P2RX5: variants seen among roughly 807,000 people sequenced by gnomAD.
P2RX5 encodes P2X purinoceptor 5.
P2RX5 carries 46 observed loss-of-function variants against 54.1 expected under a neutral mutation model. That is an observed-to-expected ratio of 0.85 (90% CI 0.67 to 1.09). The LOEUF (loss-of-function observed/expected upper bound fraction) is 1.09, where lower values mean the gene tolerates loss of function less well. Ranked by LOEUF, P2RX5 falls within the 50% of genes least tolerant of loss-of-function variation. The pLI is 0.00. For synonymous variants in P2RX5, 226 were observed against 226.4 expected, an observed-to-expected ratio of 1.00 and a Z score of 0.02; for missense variants, 566 against 549.8, an observed-to-expected ratio of 1.03 and a Z score of -0.29.
the P2RX5 span, chr17:3,714,943 C>T: frequency 2.5e-6 from 4 of 1,585,370 alleles, no homozygotes; most frequent in African/African-American, 1.3e-5. Flanking sequence ...AAAAGCCACA[C>T]TGAAACAAAG....
chr17:3,716,021 G>A, the P2RX5 span, among the ~76,000 whole-genome samples: 4 of 152,034 alleles, frequency 2.6e-5, no homozygotes, highest in Non-Finnish European at 5.9e-5. Flanking sequence ...GCCAGGCATG[G>A]TGGCACATTC....
At chr17:3,678,964 C>A (rs2142995693) in intron 11 of P2RX5, among the ~76,000 whole-genome samples, 1 of 152,314 alleles carries the variant, frequency 6.6e-6, no homozygotes, top group South Asian at 2.1e-4. Context: ...GAAGCCAGCG[C>A]CCCCAGGAAT....
At chr17:3,679,458 A>T in intron 11 of P2RX5, 132 bp downstream of exon 11, 1 of 777,296 alleles carries the variant, frequency 1.3e-6, no homozygotes, top group Non-Finnish European at 2.1e-6. Context: ...CAGTTCCTAG[A>T]TGTCCTGCCT....
At chr17:3,701,917 G>A in the P2RX5 span, among the ~76,000 whole-genome samples, 548 of 151,798 alleles carry the variant, frequency 3.6e-3, 4 homozygotes, top group African/African-American at 0.012. Flanking sequence ...CACCATGCCC[G>A]GCGGTGAGTA....
chr17:3,676,190 G>C (rs948921475), intron 11 of P2RX5: 1 of 985,448 alleles, frequency 1.0e-6, no homozygotes, highest in Non-Finnish European at 1.2e-6. Flanking sequence ...TTGGGTTTAC[G>C]GGGAGACAAC....
At chr17:3,718,426 G>A in the P2RX5 span, 6 of 152,248 alleles carry the variant, frequency 3.9e-5, no homozygotes, top group African/African-American at 9.6e-5. Flanking sequence ...TCCCCCACAC[G>A]GCAGAGTACA....
At chr17:3,674,338 C>CAA (rs11419219) in intron 11 of P2RX5, among the ~76,000 whole-genome samples, 82 of 146,218 alleles carry the variant, frequency 5.6e-4, no homozygotes, top group East Asian at 2.0e-3. Context: ...AAAAAAAATA[C>CAA]AAAAAAAAAA....
intron 5 of P2RX5, 104 bp downstream of exon 5, chr17:3,690,323 C>A: frequency 8.8e-7 from 1 of 1,140,792 alleles, no homozygotes; most frequent in Non-Finnish European, 1.3e-6. Flanking sequence ...CTGACTCCTC[C>A]CTCAGCGTGA....
the P2RX5 span, among the ~76,000 whole-genome samples, chr17:3,719,249 A>AG: frequency 4.2e-4 from 62 of 146,276 alleles, 1 homozygote; most frequent in Middle Eastern, 3.4e-3. Flanking sequence ...AAAAAAAAAA[A>AG]AAAAAAAGAA....
At chr17:3,721,580 CT>C in the P2RX5 span, 1 of 151,634 alleles carries the variant, frequency 6.6e-6, no homozygotes. Flanking sequence ...ACTCACAATT[CT>C]TTTTTTTTAA....
intron 11 of P2RX5, among the ~76,000 whole-genome samples, chr17:3,674,596 G>A (rs539734696): frequency 1.4e-4 from 21 of 152,250 alleles, no homozygotes; most frequent in Admixed American, 3.9e-4. Context: ...AGTCTAAAGG[G>A]GCAACCTTGC....
the P2RX5 span, chr17:3,720,252 C>A: frequency 2.4e-6 from 2 of 844,254 alleles, no homozygotes; most frequent in South Asian, 2.7e-5. Flanking sequence ...TGGAGGTGCT[C>A]AAAGGTTAGG....
At chr17:3,677,700 T>C (rs1227890355) in intron 11 of P2RX5, 2 of 985,146 alleles carry the variant, frequency 2.0e-6, no homozygotes, top group African/African-American at 1.7e-5. Context: ...GGTCAGCATC[T>C]CATTTAAGCA....
At chr17:3,709,935 AAAAC>A in the P2RX5 span, among the ~76,000 whole-genome samples, 5 of 152,096 alleles carry the variant, frequency 3.3e-5, no homozygotes, top group Non-Finnish European at 5.9e-5. Context: ...AAAACAAAAC[AAAAC>A]AAACAAAAAT....
At chr17:3,691,050 A>G (rs2050602944) in intron 2 of P2RX5, 23 bp from the exon 3 acceptor site, 1 of 1,580,844 alleles carries the variant, frequency 6.3e-7, no homozygotes, top group Non-Finnish European at 8.7e-7. Context: ...AGAGGCACTG[A>G]GGAACCTCCT....
chr17:3,693,504 G>A (rs999240598), intron 1 of P2RX5, among the ~76,000 whole-genome samples: 1 of 152,190 alleles, frequency 6.6e-6, no homozygotes, highest in Non-Finnish European at 1.5e-5. Flanking sequence ...GGGAGGCCAA[G>A]GCAGGTGGAT....
Position 3,679,728 on chromosome 17 carries a change from G to A in P2RX5, c.1121C>T (p.Ser374Phe), listed in dbSNP as rs762146031. The A allele has an allele frequency of 1.2e-6, 2 of 1,612,510 alleles. No individual in the cohort carries two copies. The highest frequency in any genetic ancestry group is 3.3e-5 in the Admixed American group (2 of 59,988). The change falls in exon 11 of 12, where the codon TCT becomes TTT. Residue 374 changes from serine to phenylalanine, a missense_variant. By Grantham distance (155) the Ser-to-Phe change is radical. Transcript: ENST00000225328. ...AEDEASGLGL[S>F]EQLTSGPGLL... ...CCCTGGCCCAGATGTGAGCTGCTCA[G>A]ATAGCCCCAGCCCCGATGCCTCGTC...
chr17:3,712,749 C>A, the P2RX5 span, among the ~76,000 whole-genome samples: 7 of 152,116 alleles, frequency 4.6e-5, no homozygotes, highest in African/African-American at 1.7e-4. Context: ...GAGTTCGAGA[C>A]CAGCCTAACA....
the P2RX5 span, among the ~76,000 whole-genome samples, chr17:3,721,134 G>C: frequency 6.6e-6 from 1 of 151,770 alleles, no homozygotes; most frequent in African/African-American, 2.4e-5. Context: ...TTACCATGTT[G>C]CCCAGGCTGG....
Sources: gnomAD v4.1 joint callset for allele counts (sites outside exome capture counted in the v4.1 genomes callset) on GRCh38, gnomAD v4.1.1 for gene constraint, MANE v1.5 for transcripts, NCBI Gene and HGNC (gene_info 2026-07-23, HGNC 2026-07-21) for gene names.